The following PCDHA8 variants were observed in gnomAD, a reference collection of about 807,000 sequenced individuals.
PCDHA8 encodes the protein protocadherin alpha 8, also known as protocadherin alpha-8.
Under a neutral mutation model 61.8 loss-of-function variants are expected in PCDHA8, and 53 were observed. The observed-to-expected ratio is 0.86, with a 90% CI of 0.69 to 1.08. The LOEUF (loss-of-function observed/expected upper bound fraction) is 1.08, where lower values mean the gene tolerates loss of function less well. Among genes scored for constraint, PCDHA8 ranks in the 50% least tolerant of loss-of-function variants. The pLI, the probability that PCDHA8 is intolerant of heterozygous loss-of-function variation, is 0.00. For synonymous variants in PCDHA8, 618 were observed against 556.6 expected (o/e 1.11, Z -1.55); for missense variants, 1,293 against 1,245.0 (o/e 1.04, Z -0.58).
At chr5:140,993,460 T>TCACA (rs1554253699) in intron 3 of PCDHA8, among the ~76,000 whole-genome samples, 76 of 104,564 alleles carry the variant, frequency 7.3e-4, no homozygotes, top group Admixed American at 2.0e-3. Context: ...CTTCTTTCTT[T>TCACA]CTCACACACA....
At chr5:140,904,399 T>C (rs1583526237) in intron 1 of PCDHA8, among the ~76,000 whole-genome samples, 1 of 151,316 alleles carries the variant, frequency 6.6e-6, no homozygotes, top group East Asian at 1.9e-4. Flanking sequence ...TTCCATGGTG[T>C]ATTATATATA....
intron 1 of PCDHA8, chr5:140,876,545 C>T (rs1281346113): frequency 6.2e-7 from 1 of 1,614,082 alleles, no homozygotes; most frequent in Non-Finnish European, 8.5e-7. Flanking sequence ...CTGTCGCTCC[C>T]TGTGCAAGAG....
intron 3 of PCDHA8, 56 bp downstream of exon 3, chr5:140,982,619 C>G (rs561557496): frequency 7.5e-6 from 12 of 1,589,654 alleles, no homozygotes; most frequent in Middle Eastern, 3.4e-4. Context: ...GATCAGATGA[C>G]CTACTTTTGT....
intron 1 of PCDHA8, among the ~76,000 whole-genome samples, chr5:140,938,910 C>T (rs1467187970): frequency 6.6e-6 from 1 of 152,012 alleles, no homozygotes; most frequent in African/African-American, 2.4e-5. Context: ...CACACACACA[C>T]GCACAAGAAA....
At position 140,843,575 on chromosome 5, in the gene PCDHA8, C is replaced by T. The variant is rs1778980486; in HGVS notation, c.2254C>T (p.Gln752Ter). ...SSAVGSWSYS[Q>*]QQPQRVCSGE... ...TGCGGTGGGGAGCTGGTCATACTCGCAACAACAGCCGCAGAGGGTGTGCTC... is the reference window on the plus strand; with the variant it reads ...TGCGGTGGGGAGCTGGTCATACTCGTAACAACAGCCGCAGAGGGTGTGCTC... The change falls in exon 1 of 4, where the codon CAA (glutamine) becomes TAA (stop). Residue 752 changes from glutamine (Q) to a stop codon, truncating the protein, a stop_gained. Coordinates refer to ENST00000531613, the MANE Select transcript of PCDHA8 (RefSeq NM_018911.3). LOFTEE classifies it high-confidence loss of function. 6.3e-7 allele frequency: 1 copy of T among 1,595,908 alleles called. No homozygotes were observed. Among genetic ancestry groups the T allele is most frequent in the Non-Finnish European group, 8.6e-7 (1 of 1,165,474 alleles).
In PCDHA8 at chr5:140,883,374, T is replaced by G. The variant is rs1554177931; in HGVS notation, c.2394+39659T>G. The G allele has an allele frequency of 2.5e-6, 4 of 1,614,054 alleles. No individual in the cohort carries two copies. The African/African-American group carries it at 5.3e-5, about 22-fold the overall frequency. On this transcript the variant is annotated intron_variant, in intron 1 of 3. Transcript: ENST00000531613. ...GAAGACACTCAGCCTAGCGCCATTA[T>G]TGCCCTAATCAGTGTGTCCGATCGT...
At chr5:140,967,189 C>T (rs1554229286) in intron 1 of PCDHA8, 2 of 1,613,522 alleles carry the variant, frequency 1.2e-6, no homozygotes, top group Admixed American at 1.7e-5. Flanking sequence ...TATTGGACAT[C>T]AACGACAACT....
Position 140,849,746 on chromosome 5 carries a change from T to G in PCDHA8, c.2394+6031T>G, listed in dbSNP as rs2150447912. On this transcript the variant is annotated intron_variant, in intron 1 of 3. Transcript: ENST00000531613. ...TGGACAGAGCTCTGGACCGCGAGAG[T>G]GTGTCCGCCTACGAGCTGGTGGTTA... The G allele has an allele frequency of 2.3e-5, 37 of 1,597,844 alleles. 5 individuals carry two copies. Among genetic ancestry groups the G allele is most frequent in the Admixed American group, 6.8e-5 (4 of 59,208 alleles).
intron 1 of PCDHA8, chr5:140,967,826 G>A (rs782046643): frequency 1.2e-6 from 2 of 1,614,168 alleles, no homozygotes; most frequent in East Asian, 4.5e-5. Context: ...GGTGCTGGTG[G>A]ACATCGTGGA....
rs113613111 is a variant in PCDHA8, at chr5:140,862,633, G to A, written c.2394+18918G>A. The A allele has an allele frequency of 2.9e-3, 1,533 of 537,306 alleles. 20 individuals are homozygous for A. The highest frequency in any genetic ancestry group is 0.024 in the African/African-American group (1,268 of 52,230). 33.3% of individuals were successfully genotyped at this position (537,306 alleles called of 1,614,324 possible). Reference sequence around the variant, plus strand: ...AGGTAACAACCCGCGGGGCTGCCACGACTTCACAGTGTCCGCGCGGGACCG... The same window carrying A: ...AGGTAACAACCCGCGGGGCTGCCACAACTTCACAGTGTCCGCGCGGGACCG... On this transcript the variant is annotated intron_variant, in intron 1 of 3. Transcript: ENST00000531613.
rs782406571 is a variant in PCDHA8 at position 140,876,145 on chromosome 5, T to C, written c.2394+32430T>C. 1.9e-6 allele frequency: 3 copies of C among 1,613,788 alleles called. No homozygotes were observed. The East Asian group carries it at 6.7e-5, about 36-fold the overall frequency. ...TGGCGGTAAACCAGAACTAACAGGG[T>C]CTGTCCAGATTCAAATAACCGTCCT... On this transcript the variant is annotated intron_variant, in intron 1 of 3. Coordinates refer to ENST00000531613, the MANE Select transcript of PCDHA8 (RefSeq NM_018911.3).
rs2098414068 is a variant in PCDHA8 at position 141,009,729 on chromosome 5, G to T, written c.2645G>T (p.Gly882Val). The T allele has an allele frequency of 6.2e-7, 1 of 1,614,168 alleles. No homozygotes were observed. The highest frequency in any genetic ancestry group is 8.5e-7 in the Non-Finnish European group (1 of 1,180,028). ...GGCAACCCCAAACAATCCGGTCCCG[G>T]TGAGTTGCCCGACAAATTCATTATC... is the stretch of plus-strand genomic sequence containing the variant. ...GPGNPKQSGPGELPDKFIIPG... is the reference protein window; with the variant it reads ...GPGNPKQSGPVELPDKFIIPG... Residue 882 changes from glycine (G) to valine (V), a missense_variant, in exon 4 of 4, where the codon GGT becomes GTT. Transcript: ENST00000531613.
intron 3 of PCDHA8, among the ~76,000 whole-genome samples, chr5:141,000,409 ATATATATATATATTT>A (rs2097918498): frequency 1.1e-5 from 1 of 94,040 alleles, no homozygotes; most frequent in East Asian, 3.1e-4. Flanking sequence ...ATATATATAT[ATATATATATATATTT>A]TTTTTTTTTT....
intron 1 of PCDHA8, chr5:140,883,678 G>A (rs555791080): frequency 3.7e-6 from 6 of 1,613,902 alleles, no homozygotes; most frequent in South Asian, 3.3e-5. Flanking sequence ...ACAATCCGCC[G>A]GGCTGCCACA....
intron 1 of PCDHA8, among the ~76,000 whole-genome samples, chr5:140,879,982 T>A (rs1554171120): frequency 1.3e-5 from 2 of 152,226 alleles, no homozygotes; most frequent in Non-Finnish European, 2.9e-5. Context: ...CCTTTCAAGA[T>A]CCTTAACTTA....
chr5:140,862,633 G>C, intron 1 of PCDHA8: 5 of 537,306 alleles, frequency 9.3e-6, no homozygotes, highest in Non-Finnish European at 1.9e-5. Context: ...GGGCTGCCAC[G>C]ACTTCACAGT....
At position 140,944,281 on chromosome 5, in the gene PCDHA8, G is replaced by A. The variant is rs987563636; in HGVS notation, c.2395-34668G>A. ...CTGCTCACTGCAGCCTTGACACCCC[G>A]GGCTCAAGCGATCCTCCTACCTCAG... On this transcript the variant is annotated intron_variant, in intron 1 of 3. Coordinates refer to ENST00000531613, the MANE Select transcript of PCDHA8 (RefSeq NM_018911.3). Among the ~76,000 whole-genome samples, 18 of 152,138 alleles carry A rather than the reference G, an allele frequency of 1.2e-4. No individual in the cohort carries two copies. The Middle Eastern group carries it at 0.014, about 115-fold the overall frequency.
intron 1 of PCDHA8, among the ~76,000 whole-genome samples, chr5:140,916,170 G>A (rs782402888): frequency 1.5e-4 from 23 of 152,106 alleles, no homozygotes; most frequent in Non-Finnish European, 2.9e-4. Flanking sequence ...TGCCAGGCCT[G>A]GGACTCTTCA....
chr5:140,899,249 G>A (rs1256693010), intron 1 of PCDHA8, among the ~76,000 whole-genome samples: 9 of 152,122 alleles, frequency 5.9e-5, no homozygotes, highest in African/African-American at 2.2e-4. Context: ...TGGTGAGAGA[G>A]GGCATCCCTG....
Sources: allele counts gnomAD v4.1 joint callset (sites outside exome capture counted in the v4.1 genomes callset), GRCh38; gene constraint gnomAD v4.1.1; transcripts MANE v1.5; gene names NCBI Gene and HGNC (gene_info 2026-07-23, HGNC 2026-07-21).